The following LSM14B variants were observed in gnomAD, a reference collection of about 807,000 sequenced individuals.
The protein encoded by LSM14B is LSM family member 14B, also known as protein LSM14 homolog B.
LSM14B carries 8 observed loss-of-function variants against 42.1 expected under a neutral mutation model. That is an observed-to-expected ratio of 0.19 (90% confidence interval 0.11 to 0.34). The LOEUF is 0.34. Among genes scored for constraint, LSM14B ranks in the 10% least tolerant of loss-of-function variants. The pLI, the probability that LSM14B is intolerant of heterozygous loss-of-function variation, is 1.00. For missense variants in LSM14B, 396 were observed against 513.1 expected, an observed-to-expected ratio of 0.77 and a Z score of 2.21; for synonymous variants, 219 against 209.7, an observed-to-expected ratio of 1.04 and a Z score of -0.38.
intron 1 of LSM14B, among the ~76,000 whole-genome samples, chr20:62,124,262 T>C (rs1052879011): frequency 6.6e-6 from 1 of 152,378 alleles, no homozygotes; most frequent in East Asian, 1.9e-4. Context: ...GCCGGCTGGC[T>C]GTTGGATCTA....
intron 7 of LSM14B, among the ~76,000 whole-genome samples, chr20:62,132,157 G>T (rs1474399992): frequency 6.6e-6 from 1 of 152,220 alleles, no homozygotes; most frequent in Non-Finnish European, 1.5e-5. Flanking sequence ...GGGAAAAATA[G>T]AACAGCATGT....
At chr20:62,127,391 G>C (rs1446989952) in intron 3 of LSM14B, among the ~76,000 whole-genome samples, 1 of 152,222 alleles carries the variant, frequency 6.6e-6, no homozygotes. Context: ...TACAAATCAT[G>C]CTTGCTTGGT....
intron 7 of LSM14B, 70 bp downstream of exon 7, chr20:62,131,576 C>A (rs1267107875): frequency 3.2e-6 from 5 of 1,572,668 alleles, no homozygotes. Flanking sequence ...GGGCTCTCAA[C>A]CTGAGGGCAG....
At position 62,130,025 on chromosome 20, in the gene LSM14B, T is replaced by C; in HGVS notation, c.595+73T>C. The C allele has an allele frequency of 6.8e-7, 1 of 1,467,412 alleles. No homozygotes were observed. The highest frequency in any genetic ancestry group is 9.0e-7 in the Non-Finnish European group (1 of 1,106,622). 90.9% of individuals were successfully genotyped at this position (1,467,412 alleles called of 1,614,324 possible). A position where few individuals can be genotyped will look rare whatever the true frequency, so the allele number is the denominator to read the frequency against. Reference sequence around the variant, plus strand: ...GGCACACTACTTCCTGGGCTATTTTTTTTTTTTTAATTAAAAAAATACTAC... The same window carrying C: ...GGCACACTACTTCCTGGGCTATTTTCTTTTTTTTAATTAAAAAAATACTAC... On this transcript the variant is annotated intron_variant, in intron 4 of 8. Transcript: ENST00000279068. This position sits in a 1 kb window ranked among gnomAD's most constrained non-coding sequence, Gnocchi z 4.1.
At chr20:62,131,323 C>T in intron 6 of LSM14B, 33 bp from the exon 7 acceptor site, 2 of 1,561,146 alleles carry the variant, frequency 1.3e-6, no homozygotes, top group Non-Finnish European at 1.7e-6. Flanking sequence ...TCTGCCCCTC[C>T]TCCATCTCCA....
chr20:62,126,233 A>C, intron 2 of LSM14B, 71 bp from the exon 3 acceptor site: 2 of 1,608,448 alleles, frequency 1.2e-6, no homozygotes. Context: ...CAGCTGAACA[A>C]GCGCCCTGAT....
rs780760646 is a variant in LSM14B, at chr20:62,126,419, A to G, written c.407A>G (p.Tyr136Cys). Residue 136 changes from tyrosine (Y) to cysteine (C), a missense_variant, in exon 3 of 9, where the codon TAT becomes TGT. By Grantham distance (194) the Tyr-to-Cys change is radical. Coordinates refer to ENST00000279068, the MANE Select transcript of LSM14B (RefSeq NM_144703.3). ...GCCAGCTCCCTGCTCAGCCAGCAGT[A>G]TGCCGCCTCCCTGGGTCTAGGTGAG... ...LAASSLLSQQ[Y>C]AASLGLGAGF... 2 of 1,610,258 alleles carry G rather than the reference A, an allele frequency of 1.2e-6. No individual in the cohort carries two copies. Among genetic ancestry groups the G allele is most frequent in the East Asian group, 2.2e-5 (1 of 44,876 alleles).
chr20:62,133,392 A>C lies in LSM14B; in HGVS notation c.1089A>C (p.Arg363=). 6.2e-7 allele frequency: 1 copy of C among 1,613,470 alleles called. No individual in the cohort carries two copies. Among genetic ancestry groups the C allele is most frequent in the Non-Finnish European group, 8.5e-7 (1 of 1,179,676 alleles). ...LRGRSSRGGF[R]GGRGNGTTRR... ...GCCGCAGTTCTCGGGGCGGATTCCG[A>C]GGAGGCAGGGGCAATGGGACCACCC... is the stretch of plus-strand genomic sequence containing the variant. The change falls in exon 8 of 9, where the codon CGA becomes CGC. Residue 363 remains arginine, a synonymous_variant. Coordinates refer to ENST00000279068, the MANE Select transcript of LSM14B (RefSeq NM_144703.3).
At position 62,124,726 on chromosome 20, in the gene LSM14B, G is replaced by A; in HGVS notation, c.237G>A (p.Val79=). The A allele has an allele frequency of 6.2e-7, 1 of 1,613,876 alleles. No homozygotes were observed. Among genetic ancestry groups the A allele is most frequent in the Non-Finnish European group, 8.5e-7 (1 of 1,179,868 alleles). Residue 79 remains valine (V), a synonymous_variant, in exon 2 of 9, where the codon GTG becomes GTA. Transcript: ENST00000279068. The part of the protein sequence containing the change: ...FRGSDIKDIT[V]CEPPKAQHTL... ...GAAGTGACATCAAGGATATCACTGT[G>A]TGTGAACCTCCGAAAGCTCAGCACA...
At position 62,130,798 on chromosome 20, in the gene LSM14B, C is replaced by G; in HGVS notation, c.835+107C>G. 2 of 1,160,440 alleles carry G rather than the reference C, an allele frequency of 1.7e-6. No individual in the cohort carries two copies. Among genetic ancestry groups the G allele is most frequent in the Non-Finnish European group, 2.4e-6 (2 of 837,370 alleles). 71.9% of individuals were successfully genotyped at this position (1,160,440 alleles called of 1,614,324 possible). A position where few individuals can be genotyped will look rare whatever the true frequency, so the allele number is the denominator to read the frequency against. ...GTGGTTCACGCCTGTAATCTCAGCA[C>G]TTTGGGAGGCTGAGGTGGGTGGATC... On this transcript the variant is annotated intron_variant, in intron 6 of 8. Coordinates refer to ENST00000279068, the MANE Select transcript of LSM14B (RefSeq NM_144703.3). This position sits in a 1 kb window ranked among gnomAD's most constrained non-coding sequence, Gnocchi z 4.1.
Position 62,130,310 on chromosome 20 carries a change from C to T in LSM14B, c.673+14C>T, listed in dbSNP as rs2056730748. ...GGAGGCGATCAGGTAACACCTGTTG[C>T]CACTTGATTTCTGGGGACCACGAGT... On this transcript the variant is annotated intron_variant, in intron 5 of 8. Transcript: ENST00000279068. This position sits in a 1 kb window ranked among gnomAD's most constrained non-coding sequence, Gnocchi z 4.1. The T allele has an allele frequency of 1.3e-6, 2 of 1,579,988 alleles. No homozygotes were observed. The highest frequency in any genetic ancestry group is 1.3e-5 in the African/African-American group (1 of 74,116).
rs11477488 is a variant in LSM14B, at chr20:62,134,474, CTTTT to C, written c.*339_*342del. 1.3e-3 allele frequency: 251 copies of C among 199,898 alleles called. No individual in the cohort carries two copies. The highest frequency in any genetic ancestry group is 2.3e-3 in the South Asian group (46 of 19,762). The allele number at this position is 199,898 out of a possible 1,614,324, so 12.4% of individuals were successfully genotyped here. A position where few individuals can be genotyped will look rare whatever the true frequency, so the allele number is the denominator to read the frequency against. The stretch of plus-strand genomic sequence containing the variant: ...TGAAAGCTGAATCCTTACTTTGTGA[CTTTT>C]TTTTTTTTTTTTAATGACAAGCTTT... On this transcript the variant is annotated 3_prime_UTR_variant, in exon 9 of 9. Transcript: ENST00000279068.
Position 62,134,269 on chromosome 20 carries a change from A to T in LSM14B, c.*121A>T, listed in dbSNP as rs1221054660. 1 of 471,770 alleles carries T rather than the reference A, an allele frequency of 2.1e-6. No individual in the cohort carries two copies. The highest frequency in any genetic ancestry group is 2.3e-5 in the Admixed American group (1 of 42,586). The allele number at this position is 471,770 out of a possible 1,614,324, so 29.2% of individuals were successfully genotyped here. ...ACTTTGTTTACGGAGTTTGGAAGAG[A>T]CCCATACTGCTACTTGTGTTTTGGA... On this transcript the variant is annotated 3_prime_UTR_variant, in exon 9 of 9. Coordinates refer to ENST00000279068, the MANE Select transcript of LSM14B (RefSeq NM_144703.3).
rs943389920 is a variant in LSM14B, at chr20:62,133,577, AAG to A, written c.*14+107_*14+108del. On this transcript the variant is annotated intron_variant, in intron 8 of 8. Transcript: ENST00000279068. ...GGAGCAGGCTCGGTTTCCCAGGAAGAAGAGAGGCCCAGAGGTGTCAAAGCCAA... is the reference window on the plus strand; with the variant it reads ...GGAGCAGGCTCGGTTTCCCAGGAAGAAGAGGCCCAGAGGTGTCAAAGCCAA... 3.0e-5 allele frequency: 41 copies of A among 1,369,084 alleles called. No individual in the cohort carries two copies. The African/African-American group carries it at 5.9e-4, about 20-fold the overall frequency. The allele number at this position is 1,369,084 out of a possible 1,614,324, so 84.8% of individuals were successfully genotyped here.
In LSM14B at chr20:62,126,310, C is replaced by T. The variant is rs2056601136; in HGVS notation, c.298C>T (p.Leu100=). The change falls in exon 3 of 9, where the codon CTG becomes TTG. Residue 100 remains leucine (L), a synonymous_variant. Coordinates refer to ENST00000279068, the MANE Select transcript of LSM14B (RefSeq NM_144703.3). ...CCGATGTCTCGTTGTTCAGTCTTCC[C>T]TGGGTTCTGCCTCCGCCTCGCCCTT... The part of the protein sequence containing the change: ...PQDPAIVQSS[L]GSASASPFQP... The T allele has an allele frequency of 1.2e-6, 2 of 1,613,932 alleles. No individual in the cohort carries two copies. The highest frequency in any genetic ancestry group is 1.7e-6 in the Non-Finnish European group (2 of 1,179,896).
intron 3 of LSM14B, chr20:62,128,918 T>G: frequency 7.8e-7 from 1 of 1,290,194 alleles, no homozygotes; most frequent in Non-Finnish European, 1.0e-6. Flanking sequence ...AATTACCCTG[T>G]GGTTAGGGTG....
intron 7 of LSM14B, 21 bp downstream of exon 7, chr20:62,131,527 G>A (rs763448828): frequency 6.2e-7 from 1 of 1,609,884 alleles, no homozygotes; most frequent in African/African-American, 1.3e-5. Context: ...GAATGAATGA[G>A]GGGAGGACAG....
chr20:62,130,754 A>T lies in LSM14B; in HGVS notation c.835+63A>T, dbSNP rs577551360. 1.3e-6 allele frequency: 2 copies of T among 1,540,878 alleles called. No homozygotes were observed. Among genetic ancestry groups the T allele is most frequent in the East Asian group, 2.3e-5 (1 of 44,058 alleles). Reference sequence around the variant, plus strand: ...AGTACCCCTAGAGAGTGTTAGGAGGAGATGCCTGGCCGGGTGTGGTGGTTC... The same window carrying T: ...AGTACCCCTAGAGAGTGTTAGGAGGTGATGCCTGGCCGGGTGTGGTGGTTC... On this transcript the variant is annotated intron_variant, in intron 6 of 8. Coordinates refer to ENST00000279068, the MANE Select transcript of LSM14B (RefSeq NM_144703.3). The surrounding 1 kb of genome is among the most constrained non-coding windows in gnomAD (Gnocchi z 4.1).
rs529237511 is a variant in LSM14B at position 62,126,099 on chromosome 20, T to C, written c.292-205T>C. The C allele has an allele frequency of 2.9e-4, 192 of 666,720 alleles. 3 individuals are homozygous for C. The South Asian group carries it at 3.3e-3, about 12-fold the overall frequency. 41.3% of individuals were successfully genotyped at this position (666,720 alleles called of 1,614,324 possible). A position where few individuals can be genotyped will look rare whatever the true frequency, so the allele number is the denominator to read the frequency against. On this transcript the variant is annotated intron_variant, in intron 2 of 8. Transcript: ENST00000279068. ...AAACAAAACAAAAAAAGGAATTACA[T>C]GGACAGGTGAAACTGGAACTGAAAT... is the stretch of plus-strand genomic sequence containing the variant.
Sources: allele counts gnomAD v4.1 joint callset (sites outside exome capture counted in the v4.1 genomes callset), GRCh38; gene constraint gnomAD v4.1.1; non-coding constraint Gnocchi (gnomAD v3.1); transcripts MANE v1.5; gene names NCBI Gene and HGNC (gene_info 2026-07-23, HGNC 2026-07-21).